CCSER1: variants seen among roughly 807,000 people sequenced by gnomAD.
The protein encoded by CCSER1 is coiled-coil serine rich protein 1.
In CCSER1, 41 loss-of-function variants were observed where a neutral mutation model predicts 82.0. That is an observed-to-expected ratio of 0.50 (90% CI 0.39 to 0.65). The LOEUF (loss-of-function observed/expected upper bound fraction) is 0.65. Among genes scored for constraint, CCSER1 ranks in the 30% least tolerant of loss-of-function variants. The pLI is 0.00. For synonymous variants in CCSER1, 414 were observed against 383.9 expected (o/e 1.08, Z -0.92); for missense variants, 1,119 against 1,064.2 (o/e 1.05, Z -0.72).
At chr4:91,419,865 G>A (rs909959733) in intron 10 of CCSER1, among the ~76,000 whole-genome samples, 2 of 151,916 alleles carry the variant, frequency 1.3e-5, no homozygotes, top group Non-Finnish European at 2.9e-5. Context: ...ATGGACAGAT[G>A]GTATAGAATA....
intron 8 of CCSER1, among the ~76,000 whole-genome samples, chr4:90,894,838 G>T (rs562499491): frequency 6.6e-6 from 1 of 152,034 alleles, no homozygotes; most frequent in South Asian, 2.1e-4. Context: ...ATTACAGTTG[G>T]CAGTGCTCGG....
chr4:90,780,383 A>G (rs777669616), intron 7 of CCSER1: 7 of 1,550,022 alleles, frequency 4.5e-6, no homozygotes, highest in Non-Finnish European at 6.2e-6. Flanking sequence ...AAATAATTCA[A>G]GCAAAATGCT....
chr4:90,163,847 A>T (rs928971038), intron 1 of CCSER1, among the ~76,000 whole-genome samples: 1 of 152,168 alleles, frequency 6.6e-6, no homozygotes, highest in South Asian at 2.1e-4. Context: ...TAAAGTGGGA[A>T]TGAAGTGGGG....
intron 3 of CCSER1, among the ~76,000 whole-genome samples, chr4:90,336,404 A>C (rs995289664): frequency 6.6e-6 from 1 of 152,220 alleles, no homozygotes; most frequent in Non-Finnish European, 1.5e-5. Context: ...AAAATGAATA[A>C]AAACACTTAG....
intron 6 of CCSER1, among the ~76,000 whole-genome samples, chr4:90,703,157 A>G (rs939713466): frequency 1.3e-5 from 2 of 152,160 alleles, no homozygotes; most frequent in Admixed American, 6.5e-5. Context: ...TGTCCCACAT[A>G]TTCTATTATG....
At position 91,400,645 on chromosome 4, in the gene CCSER1, T is replaced by G. The variant is rs565043159; in HGVS notation, c.2218-197927T>G. ...TGGAACACTATTTGTAGTGTTTTTA[T>G]GTCTCCCTTCTGAAAGCATAACTGC... On this transcript the variant is annotated intron_variant, in intron 10 of 10. Transcript: ENST00000509176. Among the ~76,000 whole-genome samples the G allele has an allele frequency of 3.3e-5, 5 of 151,304 alleles. No individual in the cohort carries two copies. The South Asian group carries it at 1.0e-3, about 32-fold the overall frequency.
intron 1 of CCSER1, among the ~76,000 whole-genome samples, chr4:90,269,445 TG>T (rs1353850292): frequency 2.0e-5 from 3 of 152,012 alleles, no homozygotes; most frequent in African/African-American, 7.2e-5. Flanking sequence ...AGTGGGTCAA[TG>T]AAGAGATTAA....
At chr4:90,294,153 AC>A (rs1193089870) in intron 1 of CCSER1, among the ~76,000 whole-genome samples, 1 of 152,092 alleles carries the variant, frequency 6.6e-6, no homozygotes, top group African/African-American at 2.4e-5. Context: ...CAATTTATAA[AC>A]AGATACCACT....
At chr4:90,401,958 CT>C (rs1319627732) in intron 4 of CCSER1, among the ~76,000 whole-genome samples, 3 of 152,206 alleles carry the variant, frequency 2.0e-5, no homozygotes, top group African/African-American at 7.2e-5. Context: ...TAGTTTGCCC[CT>C]CTTGATGCAA....
At chr4:90,598,820 A>G (rs1327064186) in intron 5 of CCSER1, among the ~76,000 whole-genome samples, 1 of 152,040 alleles carries the variant, frequency 6.6e-6, no homozygotes, top group African/African-American at 2.4e-5. Flanking sequence ...AGACATTAGA[A>G]TGGGGAGATG....
intron 10 of CCSER1, among the ~76,000 whole-genome samples, chr4:91,150,941 T>C (rs1359492933): frequency 6.6e-6 from 1 of 152,184 alleles, no homozygotes; most frequent in Non-Finnish European, 1.5e-5. Context: ...CTTTTTTTGT[T>C]GTGTCTCTGC....
chr4:90,489,033 T>A (rs537610543), intron 5 of CCSER1, among the ~76,000 whole-genome samples: 2 of 152,174 alleles, frequency 1.3e-5, no homozygotes, highest in Non-Finnish European at 2.9e-5. Context: ...CATACCAGAA[T>A]AATGAGACTG....
chr4:91,108,413 T>G (rs1250173619), intron 10 of CCSER1, among the ~76,000 whole-genome samples: 1 of 152,198 alleles, frequency 6.6e-6, no homozygotes, highest in Non-Finnish European at 1.5e-5. Context: ...CGAATTTGTA[T>G]TTTTATTTGT....
At chr4:91,271,041 G>A (rs1285991097) in intron 10 of CCSER1, among the ~76,000 whole-genome samples, 3 of 152,028 alleles carry the variant, frequency 2.0e-5, no homozygotes, top group Non-Finnish European at 4.4e-5. Context: ...GCATGAATAA[G>A]TTCTATATCT....
Position 90,324,293 on chromosome 4 carries a change from C to A in CCSER1, c.1509+11246C>A, listed in dbSNP as rs1448623694. Among the ~76,000 whole-genome samples the A allele has an allele frequency of 1.3e-4, 19 of 151,856 alleles. No homozygotes were observed. The South Asian group carries it at 1.5e-3, about 12-fold the overall frequency. On this transcript the variant is annotated intron_variant, in intron 3 of 10. Coordinates refer to ENST00000509176, the MANE Select transcript of CCSER1 (RefSeq NM_001145065.2). ...TAGCTTACAGTCCCACCAACAGTGT[C>A]AAAGTGTTCCTATTTCTCCACATCC...
At chr4:90,955,192 C>G (rs907089344) in intron 9 of CCSER1, among the ~76,000 whole-genome samples, 2 of 152,154 alleles carry the variant, frequency 1.3e-5, no homozygotes, top group Non-Finnish European at 2.9e-5. Flanking sequence ...TACCCCTGCA[C>G]TTGGAAGACC....
chr4:90,170,030 G>T (rs1397932076), intron 1 of CCSER1, among the ~76,000 whole-genome samples: 1 of 151,526 alleles, frequency 6.6e-6, no homozygotes, highest in Non-Finnish European at 1.5e-5. Flanking sequence ...CTCCACTCTG[G>T]TTCAGATCTT....
At chr4:90,975,159 A>G (rs962416068) in intron 9 of CCSER1, among the ~76,000 whole-genome samples, 10 of 151,470 alleles carry the variant, frequency 6.6e-5, no homozygotes, top group African/African-American at 2.2e-4. Context: ...TGTTCAGAAT[A>G]GGCAAATTTA....
chr4:90,813,390 T>C (rs1325621978), intron 7 of CCSER1, among the ~76,000 whole-genome samples: 1 of 152,218 alleles, frequency 6.6e-6, no homozygotes, highest in African/African-American at 2.4e-5. Context: ...TCCACCCCTG[T>C]GGCTCTGTGG....
Sources: allele counts gnomAD v4.1 joint callset (sites outside exome capture counted in the v4.1 genomes callset), GRCh38; gene constraint gnomAD v4.1.1; transcripts MANE v1.5; gene names NCBI Gene and HGNC (gene_info 2026-07-23, HGNC 2026-07-21).